Variants in PIK3R6 observed in about 807,000 individuals in gnomAD.
The protein encoded by PIK3R6 is phosphoinositide 3-kinase regulatory subunit 6.
Under a neutral mutation model 84.9 loss-of-function variants are expected in PIK3R6, and 91 were observed. That is an observed-to-expected ratio of 1.07 (90% confidence interval 0.90 to 1.28). PIK3R6 has a LOEUF of 1.28. Among genes scored for constraint, PIK3R6 ranks in the 50% most tolerant of loss-of-function variants. PIK3R6 has a pLI of 0.00. For synonymous variants in PIK3R6, 416 were observed against 411.4 expected (o/e 1.01, Z -0.13); for missense variants, 996 against 985.1 (o/e 1.01, Z -0.15).
At position 8,803,665 on chromosome 17, in the gene PIK3R6, A is replaced by C; in HGVS notation, c.2109-236T>G. 1 of 554,868 alleles carries C rather than the reference A, an allele frequency of 1.8e-6. No individual in the cohort carries two copies. The highest frequency in any genetic ancestry group is 3.2e-6 in the Non-Finnish European group (1 of 314,674). The allele number at this position is 554,868 out of a possible 1,614,324, so 34.4% of individuals were successfully genotyped here. A position where few individuals can be genotyped will look rare whatever the true frequency, so the allele number is the denominator to read the frequency against. Reference sequence around the variant, plus strand: ...ACTCTGCGCATGCCTCCCTTACCCAAACACACCTCCCGAGGGGAAGCCAGT... The same window carrying C: ...ACTCTGCGCATGCCTCCCTTACCCACACACACCTCCCGAGGGGAAGCCAGT... On this transcript the variant is annotated intron_variant, in intron 19 of 19. Transcript: ENST00000619866. This position sits in a 1 kb window ranked among gnomAD's most constrained non-coding sequence, Gnocchi z 5.0.
At chr17:8,846,744 A>G (rs9903136) in intron 2 of PIK3R6, among the ~76,000 whole-genome samples, 34,891 of 151,926 alleles carry the variant, frequency 0.23, 4,313 homozygotes, top group African/African-American at 0.32. Flanking sequence ...TTCCATAGGT[A>G]TGGTAAGGTG....
At chr17:8,838,290 A>G (rs1368880803) in intron 4 of PIK3R6, 1 of 468,396 alleles carries the variant, frequency 2.1e-6, no homozygotes, top group Admixed American at 3.6e-5. Context: ...TTATGTTTAT[A>G]GGTACCTTCT....
Position 8,828,183 on chromosome 17 carries a change from C to T in PIK3R6, c.1321G>A (p.Glu441Lys), listed in dbSNP as rs1388039912. 4.3e-6 allele frequency: 7 copies of T among 1,613,846 alleles called. No individual in the cohort carries two copies. In the Admixed American group the frequency reaches 8.3e-5, roughly 19 times the overall value. ...GGAGTGAGGCAGAACTTCTGGGTCT[C>T]CCGTTTCCTAGCAATGGGCAGCAAA... ...AQAYHRLRKR[E>K]TQKFCLTPRL... The change falls in exon 12 of 20, where the codon GAG becomes AAG. Residue 441 changes from glutamate (E) to lysine (K), a missense_variant. Glu to Lys is a moderately conservative substitution (Grantham distance 56, BLOSUM62 1). Transcript: ENST00000619866.
At chr17:8,859,336 T>C (rs560913084) in intron 1 of PIK3R6, among the ~76,000 whole-genome samples, 1 of 152,306 alleles carries the variant, frequency 6.6e-6, no homozygotes, top group Non-Finnish European at 1.5e-5. Flanking sequence ...TGTCACCTCA[T>C]AATGACCGCA....
At chr17:8,840,224 T>C (rs972476041) in intron 2 of PIK3R6, among the ~76,000 whole-genome samples, 1 of 146,746 alleles carries the variant, frequency 6.8e-6, no homozygotes, top group Non-Finnish European at 1.5e-5. Context: ...ATATGAAATA[T>C]ATACAGCCTA....
rs899089495 is a variant in PIK3R6, at chr17:8,804,130, C to T, written c.2019G>A (p.Thr673=). The stretch of plus-strand genomic sequence containing the variant: ...CCCGGCTCTGGATCTGGATATTGTT[C>T]GTCCTGAAGGTGTTGGTCACTGTCT... ...SFSTVTNTFR[T]NNIQIQSRDQ... is the part of the protein sequence containing the mutation. Residue 673 remains threonine (T), a synonymous_variant, in exon 19 of 20, where the codon ACG becomes ACA. Coordinates refer to ENST00000619866, the MANE Select transcript of PIK3R6 (RefSeq NM_001010855.4). 1.1e-5 allele frequency: 18 copies of T among 1,613,844 alleles called. No homozygotes were observed. The highest frequency in any genetic ancestry group is 8.0e-5 in the African/African-American group (6 of 74,926).
chr17:8,823,292 A>C, intron 14 of PIK3R6, 95 bp downstream of exon 14: 1 of 975,066 alleles, frequency 1.0e-6, no homozygotes, highest in South Asian at 1.5e-5. Context: ...GGGTGTGTTC[A>C]TGATTGGTGG....
chr17:8,860,722 G>A (rs1317410055), intron 1 of PIK3R6, among the ~76,000 whole-genome samples: 3 of 152,104 alleles, frequency 2.0e-5, no homozygotes, highest in East Asian at 1.9e-4. Context: ...CCACAATCTC[G>A]TGTGGCAACA....
intron 13 of PIK3R6, among the ~76,000 whole-genome samples, chr17:8,825,411 G>A (rs2087884641): frequency 6.6e-6 from 1 of 152,228 alleles, no homozygotes; most frequent in Non-Finnish European, 1.5e-5. Flanking sequence ...TCTATAGCCA[G>A]ATATTAAAAT....
chr17:8,823,486 C>T lies in PIK3R6; in HGVS notation c.1527G>A (p.Leu509=). ...AGGGGTCCACAGTCCGGGATGTGTC[C>T]AGGGAAGGAGGCTGTGATGGAGACA... The part of the protein sequence containing the change: ...IHKLAEMPPS[L]DTSRTVDPFI... Residue 509 remains leucine (L), a synonymous_variant, in exon 14 of 20, where the codon CTG becomes CTA. Coordinates refer to ENST00000619866, the MANE Select transcript of PIK3R6 (RefSeq NM_001010855.4). 1 of 1,609,486 alleles carries T rather than the reference C, an allele frequency of 6.2e-7. No homozygotes were observed. Among genetic ancestry groups the T allele is most frequent in the Non-Finnish European group, 8.5e-7 (1 of 1,176,218 alleles).
intron 1 of PIK3R6, among the ~76,000 whole-genome samples, chr17:8,855,097 G>A (rs914038488): frequency 1.3e-5 from 2 of 152,116 alleles, no homozygotes; most frequent in Non-Finnish European, 2.9e-5. Context: ...GGAGGCTGAG[G>A]CAGGAGAATC....
intron 12 of PIK3R6, among the ~76,000 whole-genome samples, chr17:8,827,821 C>T (rs2087997441): frequency 8.9e-6 from 1 of 112,666 alleles, no homozygotes; most frequent in East Asian, 2.7e-4. Flanking sequence ...AGAGAGACCG[C>T]CCTGTGTTTG....
chr17:8,855,643 T>C (rs995058225), intron 1 of PIK3R6, among the ~76,000 whole-genome samples: 20 of 152,236 alleles, frequency 1.3e-4, no homozygotes, highest in African/African-American at 3.9e-4. Context: ...GTGCAGAACG[T>C]GCAGGTTTGT....
chr17:8,803,083 T>C lies in PIK3R6; in HGVS notation c.*190A>G. ...GCGACAGCATTGCCTGGGCCATCCG[T>C]AGACCTCCATGTGGGCCCTTCCTCA... is the stretch of plus-strand genomic sequence containing the variant. On this transcript the variant is annotated 3_prime_UTR_variant, in exon 20 of 20. Coordinates refer to ENST00000619866, the MANE Select transcript of PIK3R6 (RefSeq NM_001010855.4). The surrounding 1 kb of genome is among the most constrained non-coding windows in gnomAD (Gnocchi z 5.0). 2 of 637,962 alleles carry C rather than the reference T, an allele frequency of 3.1e-6. No homozygotes were observed. Among genetic ancestry groups the C allele is most frequent in the South Asian group, 2.0e-5 (1 of 50,872 alleles). The allele number at this position is 637,962 out of a possible 1,614,324, so 39.5% of individuals were successfully genotyped here. A position where few individuals can be genotyped will look rare whatever the true frequency, so the allele number is the denominator to read the frequency against.
chr17:8,817,297 G>A (rs1317940749), intron 18 of PIK3R6, among the ~76,000 whole-genome samples: 1 of 151,732 alleles, frequency 6.6e-6, no homozygotes, highest in East Asian at 1.9e-4. Flanking sequence ...AGTACTTTTT[G>A]TGCTTTTTTT....
intron 18 of PIK3R6, among the ~76,000 whole-genome samples, chr17:8,812,962 C>A (rs1296898011): frequency 1.3e-5 from 2 of 151,942 alleles, no homozygotes; most frequent in Non-Finnish European, 2.9e-5. Context: ...AAAATTGGTT[C>A]TTTGAAATGA....
At chr17:8,808,676 C>T (rs747841567) in intron 18 of PIK3R6, among the ~76,000 whole-genome samples, 1 of 152,098 alleles carries the variant, frequency 6.6e-6, no homozygotes, top group Non-Finnish European at 1.5e-5. Context: ...AATGTCAGGG[C>T]AGAAGACACA....
rs2076459252 is a variant in PIK3R6 at position 8,828,858 on chromosome 17, C to G, written c.1022G>C (p.Gly341Ala). Residue 341 changes from glycine to alanine, a missense_variant, in exon 11 of 20, where the codon GGC (glycine) becomes GCC (alanine). Coordinates refer to ENST00000619866, the MANE Select transcript of PIK3R6 (RefSeq NM_001010855.4). ...ARVSVLSTDS[G>A]IERDLPTGAD... ...CCCCGTGGGAAGGTCCCGCTCAATG[C>G]CGCTGTCAGTGGACAGCACAGAAAC... The G allele has an allele frequency of 3.8e-6, 6 of 1,594,966 alleles. No homozygotes were observed. Among genetic ancestry groups the G allele is most frequent in the Admixed American group, 1.8e-5 (1 of 56,770 alleles).
At chr17:8,865,303 A>C (rs922108009) in intron 1 of PIK3R6, among the ~76,000 whole-genome samples, 1 of 152,202 alleles carries the variant, frequency 6.6e-6, no homozygotes, top group Non-Finnish European at 1.5e-5. Context: ...CTGTTCAGAC[A>C]GAAGAACCCA....
Sources: allele counts gnomAD v4.1 joint callset (sites outside exome capture counted in the v4.1 genomes callset), GRCh38; gene constraint gnomAD v4.1.1; non-coding constraint Gnocchi (gnomAD v3.1); transcripts MANE v1.5; gene names NCBI Gene and HGNC (gene_info 2026-07-23, HGNC 2026-07-21).